The following TEC variants were observed in gnomAD, a reference collection of about 807,000 sequenced individuals.
The protein encoded by TEC is tyrosine-protein kinase Tec.
Under a neutral mutation model 93.0 loss-of-function variants are expected in TEC, and 72 were observed. That is an observed-to-expected ratio of 0.77 (90% CI 0.64 to 0.94). TEC has a LOEUF of 0.94. TEC is among the 40% of genes least tolerant of loss of function. The probability of loss-of-function intolerance (pLI) is 0.00; values close to 1 mark genes in which losing one functional copy is unlikely to be tolerated. For synonymous variants in TEC, 249 were observed against 247.7 expected (o/e 1.01, Z -0.05); for missense variants, 630 against 757.9 (o/e 0.83, Z 1.98).
At chr4:48,258,681 T>A (rs569579665) in intron 1 of TEC, among the ~76,000 whole-genome samples, 3 of 152,180 alleles carry the variant, frequency 2.0e-5, no homozygotes, top group Non-Finnish European at 1.5e-5. Context: ...TTTTCAAAAA[T>A]ATTTTTCCCA....
At chr4:48,164,259 ACAAAGGATAATTCCTGGC>A (rs1720790078) in intron 7 of TEC, among the ~76,000 whole-genome samples, 1 of 152,230 alleles carries the variant, frequency 6.6e-6, no homozygotes, top group Non-Finnish European at 1.5e-5. Context: ...GAATAGTTTC[ACAAAGGATAATTCCTGGC>A]CTTTCGGTCA....
chr4:48,142,078 G>T (rs762135646), intron 14 of TEC, among the ~76,000 whole-genome samples: 1 of 152,070 alleles, frequency 6.6e-6, no homozygotes, highest in Non-Finnish European at 1.5e-5. Flanking sequence ...TCCTTAATCC[G>T]GTTCTCACTA....
rs549193152 is a variant in TEC, at chr4:48,144,379, T to C, written c.1470+700A>G. Among the ~76,000 whole-genome samples, 78 of 152,342 alleles carry C rather than the reference T, an allele frequency of 5.1e-4. 3 individuals are homozygous for C. The South Asian group carries it at 0.015, about 30-fold the overall frequency. On this transcript the variant is annotated intron_variant, in intron 14 of 17. Transcript: ENST00000381501. ...CAGGGGACAGACAGTGCTACCGATA[T>C]GCTGAAAACAGACATTTTCAGCTGA...
intron 1 of TEC, among the ~76,000 whole-genome samples, chr4:48,238,940 A>G (rs1300860550): frequency 6.6e-6 from 1 of 152,180 alleles, no homozygotes; most frequent in African/African-American, 2.4e-5. Context: ...GGAAGAAACA[A>G]GATGGAGCCT....
At chr4:48,251,455 G>T (rs1415137757) in intron 1 of TEC, among the ~76,000 whole-genome samples, 1 of 152,058 alleles carries the variant, frequency 6.6e-6, no homozygotes, top group Non-Finnish European at 1.5e-5. Flanking sequence ...TTCTCACTAT[G>T]TTATCCTGTT....
chr4:48,144,821 T>C (rs1000184649), intron 14 of TEC, among the ~76,000 whole-genome samples: 2 of 152,208 alleles, frequency 1.3e-5, no homozygotes, highest in Non-Finnish European at 2.9e-5. Context: ...TGTGAGTAGC[T>C]ATCTCATGGG....
intron 2 of TEC, among the ~76,000 whole-genome samples, chr4:48,213,102 G>A (rs1378560766): frequency 2.6e-5 from 4 of 152,110 alleles, no homozygotes; most frequent in Non-Finnish European, 4.4e-5. Flanking sequence ...TGTGACTTTC[G>A]TAGTCGCAAA....
At chr4:48,163,592 C>A (rs1028150848) in intron 8 of TEC, 110 bp downstream of exon 8, 1 of 676,302 alleles carries the variant, frequency 1.5e-6, no homozygotes, top group Non-Finnish European at 2.5e-6. Flanking sequence ...ATTTTAGCAC[C>A]CCCTTCAAAG....
intron 2 of TEC, among the ~76,000 whole-genome samples, chr4:48,224,627 C>CA (rs1449047241): frequency 1.3e-5 from 2 of 152,146 alleles, no homozygotes; most frequent in Non-Finnish European, 2.9e-5. Context: ...TGTGGAAATA[C>CA]ACATGAATTA....
chr4:48,206,164 G>C (rs1296491014), intron 2 of TEC, among the ~76,000 whole-genome samples: 2 of 152,176 alleles, frequency 1.3e-5, no homozygotes, highest in African/African-American at 4.8e-5. Flanking sequence ...GGTTGCCAGG[G>C]GCTGGGAGGA....
chr4:48,213,784 C>A (rs1283391511), intron 2 of TEC, among the ~76,000 whole-genome samples: 2 of 151,838 alleles, frequency 1.3e-5, no homozygotes, highest in Admixed American at 6.6e-5. Context: ...TAAAACATAC[C>A]CTTGTTTTAG....
intron 2 of TEC, among the ~76,000 whole-genome samples, chr4:48,210,674 G>A (rs1244474231): frequency 1.3e-5 from 2 of 152,176 alleles, no homozygotes; most frequent in African/African-American, 4.8e-5. Context: ...AGAGTTCCAT[G>A]AACATGGTTC....
intron 8 of TEC, among the ~76,000 whole-genome samples, chr4:48,163,320 G>T (rs959420602): frequency 2.0e-5 from 3 of 152,066 alleles, no homozygotes; most frequent in Non-Finnish European, 4.4e-5. Flanking sequence ...TGCTGACAAA[G>T]GTCAACTCTA....
At chr4:48,172,684 A>G (rs1721164330) in intron 3 of TEC, among the ~76,000 whole-genome samples, 1 of 152,220 alleles carries the variant, frequency 6.6e-6, no homozygotes, top group Admixed American at 6.5e-5. Flanking sequence ...ACTGCATAAG[A>G]CACAAAAATG....
chr4:48,175,145 T>C (rs1225086245), intron 3 of TEC, among the ~76,000 whole-genome samples: 6 of 152,184 alleles, frequency 3.9e-5, no homozygotes, highest in Non-Finnish European at 5.9e-5. Flanking sequence ...TAGCCCTTCC[T>C]CCATTTGTGA....
intron 1 of TEC, among the ~76,000 whole-genome samples, chr4:48,229,903 G>A (rs1352494499): frequency 2.1e-4 from 31 of 149,730 alleles, no homozygotes; most frequent in Admixed American, 1.0e-3. Context: ...GTGAAACCCC[G>A]TCTCTACTAA....
chr4:48,174,852 C>G (rs1721260937), intron 3 of TEC, among the ~76,000 whole-genome samples: 1 of 152,170 alleles, frequency 6.6e-6, no homozygotes, highest in African/African-American at 2.4e-5. Flanking sequence ...ATAGCAACTA[C>G]CACTTACCTT....
intron 11 of TEC, among the ~76,000 whole-genome samples, chr4:48,146,895 T>C (rs1325148058): frequency 6.6e-6 from 1 of 152,166 alleles, no homozygotes; most frequent in African/African-American, 2.4e-5. Context: ...TAAACACCCA[T>C]AGCACTCTGT....
intron 1 of TEC, among the ~76,000 whole-genome samples, chr4:48,242,156 C>A (rs1393692841): frequency 6.6e-6 from 1 of 152,172 alleles, no homozygotes; most frequent in South Asian, 2.1e-4. Context: ...ATCAAATTTA[C>A]TTATATAAGC....
Sources: allele counts gnomAD v4.1 joint callset (sites outside exome capture counted in the v4.1 genomes callset), GRCh38; gene constraint gnomAD v4.1.1; transcripts MANE v1.5; gene names NCBI Gene and HGNC (gene_info 2026-07-23, HGNC 2026-07-21).